Variants in XIRP2 observed in about 807,000 individuals in gnomAD.
The protein encoded by XIRP2 is xin actin-binding repeat-containing protein 2.
A neutral mutation model predicts 277.0 loss-of-function variants in XIRP2; 236 were observed. That is an observed-to-expected ratio of 0.85 (90% CI 0.77 to 0.95). The LOEUF (loss-of-function observed/expected upper bound fraction) is 0.95. XIRP2 is among the 40% of genes least tolerant of loss of function. The probability of loss-of-function intolerance (pLI) is 0.00; values close to 1 mark genes in which losing one functional copy is unlikely to be tolerated. For synonymous variants in XIRP2, 1,490 were observed against 1,416.5 expected (o/e 1.05, Z -1.17); for missense variants, 4,640 against 4,157.5 (o/e 1.12, Z -3.19).
At chr2:167,210,923 A>G (rs1694010642) in intron 4 of XIRP2, 28 bp downstream of exon 4, 2 of 1,612,668 alleles carry the variant, frequency 1.2e-6, no homozygotes, top group Non-Finnish European at 1.7e-6. Context: ...GTTTTGCACT[A>G]GGCAATGTGC....
intron 2 of XIRP2, among the ~76,000 whole-genome samples, chr2:167,103,682 A>T (rs1277490179): frequency 1.3e-5 from 2 of 152,226 alleles, no homozygotes; most frequent in Admixed American, 6.5e-5. Flanking sequence ...GTAACCTTTC[A>T]TAAAGTAGTT....
At chr2:167,141,328 G>T (rs187616742) in intron 3 of XIRP2, among the ~76,000 whole-genome samples, 2 of 152,194 alleles carry the variant, frequency 1.3e-5, no homozygotes, top group Non-Finnish European at 2.9e-5. Context: ...CCTATTTGTG[G>T]CAGGAACTAT....
intron 3 of XIRP2, chr2:167,184,576 G>C (rs948515486): frequency 1.3e-5 from 9 of 717,198 alleles, no homozygotes; most frequent in East Asian, 2.7e-5. Flanking sequence ...AGATTCTCAG[G>C]CTCCACCTGC....
intron 2 of XIRP2, among the ~76,000 whole-genome samples, chr2:167,041,967 C>A (rs1396194480): frequency 6.6e-6 from 1 of 152,046 alleles, no homozygotes; most frequent in Admixed American, 6.6e-5. Context: ...ATAAAGGGAA[C>A]CCTATCAGGC....
intron 2 of XIRP2, among the ~76,000 whole-genome samples, chr2:167,051,320 A>G (rs1688910306): frequency 6.6e-6 from 1 of 152,100 alleles, no homozygotes; most frequent in Non-Finnish European, 1.5e-5. Flanking sequence ...CTCATGGTAA[A>G]TTCTTTGGTA....
chr2:167,004,471 G>A (rs985032045), intron 2 of XIRP2, among the ~76,000 whole-genome samples: 3 of 151,822 alleles, frequency 2.0e-5, no homozygotes, highest in Non-Finnish European at 2.9e-5. Flanking sequence ...CTAAAATGCA[G>A]CTAAGAACTT....
At chr2:166,894,286 C>T (rs1355415) in intron 1 of XIRP2, among the ~76,000 whole-genome samples, 37,361 of 151,948 alleles carry the variant, frequency 0.25, 4,784 homozygotes, top group Admixed American at 0.3. Flanking sequence ...ACTTACAAAT[C>T]CTCTCTCTGA....
At chr2:167,145,715 C>T (rs1410151367) in intron 3 of XIRP2, among the ~76,000 whole-genome samples, 3 of 152,276 alleles carry the variant, frequency 2.0e-5, no homozygotes, top group East Asian at 1.9e-4. Context: ...CAGAATTACA[C>T]ACAAAATATA....
intron 3 of XIRP2, chr2:167,184,523 G>C (rs1693102381): frequency 1.4e-6 from 1 of 713,298 alleles, no homozygotes; most frequent in Non-Finnish European, 2.6e-6. Context: ...AGGTTCTGCT[G>C]TTTTTCTGTT....
At chr2:167,127,245 C>A (rs1349165709) in intron 2 of XIRP2, among the ~76,000 whole-genome samples, 1 of 152,158 alleles carries the variant, frequency 6.6e-6, no homozygotes, top group African/African-American at 2.4e-5. Context: ...TTTAAAGCAT[C>A]TCAAGGGCAC....
In XIRP2 at chr2:167,248,716, C is replaced by T. The variant is rs1695367523; in HGVS notation, c.7324C>T (p.Pro2442Ser). 3.1e-6 allele frequency: 5 copies of T among 1,613,612 alleles called. No homozygotes were observed. Among genetic ancestry groups the T allele is most frequent in the Non-Finnish European group, 4.2e-6 (5 of 1,179,782 alleles). ...AAAAGATAATAAGAACGATTTTTCC[C>T]CCAAAGTTGAACTGGCAACCTCCCT... is the stretch of plus-strand genomic sequence containing the variant. ...HIKDNKNDFS[P>S]KVELATSLSD... The change falls in exon 9 of 11, where the codon CCC becomes TCC. Residue 2442 changes from proline to serine, a missense_variant. By Grantham distance (74) the Pro-to-Ser change is moderately conservative. Coordinates refer to ENST00000409195, the MANE Select transcript of XIRP2 (RefSeq NM_152381.6).
intron 2 of XIRP2, among the ~76,000 whole-genome samples, chr2:166,996,133 T>C (rs1384059520): frequency 6.6e-6 from 1 of 152,198 alleles, no homozygotes; most frequent in African/African-American, 2.4e-5. Context: ...TCTTTTTCTT[T>C]TCTTATATTT....
chr2:167,075,439 C>T (rs1689539015), intron 2 of XIRP2, among the ~76,000 whole-genome samples: 1 of 152,186 alleles, frequency 6.6e-6, no homozygotes, highest in African/African-American at 2.4e-5. Flanking sequence ...TTGCTCACAT[C>T]AAGGCACGTC....
intron 2 of XIRP2, among the ~76,000 whole-genome samples, chr2:167,040,609 G>A (rs1011862330): frequency 6.6e-6 from 1 of 152,166 alleles, no homozygotes; most frequent in African/African-American, 2.4e-5. Context: ...ACAGCCATGG[G>A]AACACATCCC....
intron 5 of XIRP2, among the ~76,000 whole-genome samples, chr2:167,222,930 T>G (rs1302959203): frequency 6.6e-6 from 1 of 152,144 alleles, no homozygotes; most frequent in Non-Finnish European, 1.5e-5. Flanking sequence ...CTTTCACCCA[T>G]TTTATGAATA....
At chr2:167,107,836 A>G (rs1194058337) in intron 2 of XIRP2, among the ~76,000 whole-genome samples, 1 of 151,702 alleles carries the variant, frequency 6.6e-6, no homozygotes, top group African/African-American at 2.4e-5. Context: ...AAGAGTTGGT[A>G]GAATTCTCTA....
chr2:167,066,109 T>C (rs1240938849), intron 2 of XIRP2, among the ~76,000 whole-genome samples: 6 of 151,646 alleles, frequency 4.0e-5, no homozygotes, highest in African/African-American at 1.5e-4. Flanking sequence ...ATTTACCCTC[T>C]TAATAAATCT....
At chr2:167,206,268 T>A (rs963347611) in intron 3 of XIRP2, among the ~76,000 whole-genome samples, 5 of 152,196 alleles carry the variant, frequency 3.3e-5, no homozygotes, top group African/African-American at 4.8e-5. Context: ...GCAATTTTTT[T>A]TCTTCTAGTA....
chr2:167,220,361 C>T (rs550083533), intron 5 of XIRP2, among the ~76,000 whole-genome samples: 92 of 152,160 alleles, frequency 6.0e-4, no homozygotes, highest in Non-Finnish European at 1.0e-3. Context: ...ACATCTTTGT[C>T]TCTCAGTTTC....
Sources: allele counts gnomAD v4.1 joint callset (sites outside exome capture counted in the v4.1 genomes callset), GRCh38; gene constraint gnomAD v4.1.1; transcripts MANE v1.5; gene names NCBI Gene and HGNC (gene_info 2026-07-23, HGNC 2026-07-21).